The following ITPR3 variants were observed in gnomAD, a reference collection of about 807,000 sequenced individuals.
The protein encoded by ITPR3 is inositol 1,4,5-trisphosphate-gated calcium channel ITPR3.
ITPR3 carries 173 observed loss-of-function variants against 293.2 expected under a neutral mutation model. The observed-to-expected ratio is 0.59, with a 90% confidence interval of 0.52 to 0.67. The LOEUF is 0.67. Ranked by LOEUF, ITPR3 falls within the 30% of genes least tolerant of loss-of-function variation. The pLI, the probability that ITPR3 is intolerant of heterozygous loss-of-function variation, is 0.00. For synonymous variants in ITPR3, 1,295 were observed against 1,444.4 expected (o/e 0.90, Z 2.35); for missense variants, 2,796 against 3,592.1 (o/e 0.78, Z 5.66).
intron 33 of ITPR3, among the ~76,000 whole-genome samples, chr6:33,681,486 C>T (rs1022855127): frequency 3.3e-5 from 5 of 152,176 alleles, no homozygotes; most frequent in Non-Finnish European, 5.9e-5. Flanking sequence ...ATTTGAATCT[C>T]GAAAGATTCA....
At chr6:33,662,451 G>T in intron 7 of ITPR3, 77 bp from the exon 8 acceptor site, 10 of 1,492,160 alleles carry the variant, frequency 6.7e-6, no homozygotes, top group Non-Finnish European at 8.9e-6. Context: ...GTCTGAGGCA[G>T]GTGGGGCTGG....
At chr6:33,671,397 C>T in intron 21 of ITPR3, 91 bp downstream of exon 21, 1 of 859,660 alleles carries the variant, frequency 1.2e-6, no homozygotes. Flanking sequence ...TTCCCCAGCC[C>T]CGCATTCCCC....
chr6:33,694,815 A>C (rs991988798), intron 56 of ITPR3, 109 bp from the exon 57 acceptor site: 2 of 1,342,750 alleles, frequency 1.5e-6, no homozygotes, highest in African/African-American at 2.9e-5. Context: ...CCTGACGAGT[A>C]GTTTTGTTAA....
intron 2 of ITPR3, among the ~76,000 whole-genome samples, chr6:33,652,753 C>T (rs189881383): frequency 2.9e-4 from 44 of 152,208 alleles, no homozygotes; most frequent in African/African-American, 7.9e-4. Context: ...CATGAGCCAC[C>T]GTGCCTGGCC....
At chr6:33,668,370 T>G in intron 16 of ITPR3, 145 bp from the exon 17 acceptor site, 1 of 1,104,602 alleles carries the variant, frequency 9.1e-7, no homozygotes, top group Non-Finnish European at 1.3e-6. Context: ...GAGCTGGGAG[T>G]CCATCCCACC....
At chr6:33,640,653 T>A (rs1763927936) in intron 2 of ITPR3, 99 bp downstream of exon 2, 4 of 1,022,538 alleles carry the variant, frequency 3.9e-6, no homozygotes, top group Non-Finnish European at 5.8e-6. Context: ...AGTGGCTGGA[T>A]TAGATGTGGC....
At chr6:33,630,953 TTC>T (rs1271927946) in intron 1 of ITPR3, among the ~76,000 whole-genome samples, 2 of 152,248 alleles carry the variant, frequency 1.3e-5, no homozygotes, top group Non-Finnish European at 2.9e-5. Context: ...TTAATTTCTT[TTC>T]TCTGATGAGC....
chr6:33,660,859 G>T (rs1162855960), intron 7 of ITPR3, among the ~76,000 whole-genome samples: 1 of 152,150 alleles, frequency 6.6e-6, no homozygotes, highest in Non-Finnish European at 1.5e-5. Flanking sequence ...AGCCTGGGAG[G>T]TGGAGGTTGC....
rs1211063921 is a variant in ITPR3 at position 33,682,482 on chromosome 6, G to A, written c.4477-42G>A. On this transcript the variant is annotated intron_variant, in intron 33 of 57. Coordinates refer to ENST00000605930, the MANE Select transcript of ITPR3 (RefSeq NM_002224.4). This position sits in a 1 kb window ranked among gnomAD's most constrained non-coding sequence, Gnocchi z 5.4. ...TCCTGGACCTGGGGTTGCCCAGGGT[G>A]GGGGCCTGGGCTGCAGCAGCGGGCT... is the stretch of plus-strand genomic sequence containing the variant. 1 of 1,479,204 alleles carries A rather than the reference G, an allele frequency of 6.8e-7. No homozygotes were observed. The highest frequency in any genetic ancestry group is 9.0e-7 in the Non-Finnish European group (1 of 1,114,994). The allele number at this position is 1,479,204 out of a possible 1,614,324, so 91.6% of individuals were successfully genotyped here. A position where few individuals can be genotyped will look rare whatever the true frequency, so the allele number is the denominator to read the frequency against.
intron 16 of ITPR3, among the ~76,000 whole-genome samples, chr6:33,668,308 A>T (rs566725897): frequency 6.6e-6 from 1 of 152,116 alleles, no homozygotes; most frequent in African/African-American, 2.4e-5. Context: ...CTGAACCCCC[A>T]TCTAGCCTTC....
chr6:33,689,023 A>G (rs1765317484), intron 49 of ITPR3, among the ~76,000 whole-genome samples: 1 of 152,202 alleles, frequency 6.6e-6, no homozygotes, highest in Admixed American at 6.5e-5. Flanking sequence ...ACACGCATAG[A>G]TGTGTCAGCC....
chr6:33,690,114 G>A lies in ITPR3; in HGVS notation c.6948G>A (p.Met2316Ile), dbSNP rs776152021. ...TCCGGGGCTATAAGGCCATGGTCAT[G>A]GACATGGAATTCCTCTACCACGTGG... ...TFIRGYKAMV[M>I]DMEFLYHVGY... is the part of the protein sequence containing the mutation. Residue 2316 changes from methionine to isoleucine, a missense_variant, in exon 51 of 58, where the codon ATG becomes ATA. Physicochemically the swap from Met to Ile is conservative, Grantham distance 10. Transcript: ENST00000605930. The A allele has an allele frequency of 1.9e-6, 3 of 1,614,194 alleles. No homozygotes were observed. The highest frequency in any genetic ancestry group is 2.5e-6 in the Non-Finnish European group (3 of 1,180,030).
In ITPR3 at chr6:33,692,643, C is replaced by A; in HGVS notation, c.7459-85C>A. On this transcript the variant is annotated intron_variant, in intron 54 of 57. Transcript: ENST00000605930. This position sits in a 1 kb window ranked among gnomAD's most constrained non-coding sequence, Gnocchi z 4.2. ...GCTAGGGGCTGGGTCCTCAATATCACAGCCCTGGCCCCAACCTGAGTCCTA... is the reference window on the plus strand; with the variant it reads ...GCTAGGGGCTGGGTCCTCAATATCAAAGCCCTGGCCCCAACCTGAGTCCTA... The A allele has an allele frequency of 7.2e-7, 1 of 1,383,186 alleles. No individual in the cohort carries two copies. The highest frequency in any genetic ancestry group is 1.0e-6 in the Non-Finnish European group (1 of 1,001,542). 85.7% of individuals were successfully genotyped at this position (1,383,186 alleles called of 1,614,324 possible). A position where few individuals can be genotyped will look rare whatever the true frequency, so the allele number is the denominator to read the frequency against.
chr6:33,677,706 T>C, intron 28 of ITPR3, 77 bp downstream of exon 28: 1 of 1,536,708 alleles, frequency 6.5e-7, no homozygotes, highest in Non-Finnish European at 8.8e-7. Flanking sequence ...TGCTAGGCCC[T>C]AATGCAGGCA....
rs11758330 is a variant in ITPR3 at position 33,632,216 on chromosome 6, T to A, written c.90-8268T>A. On this transcript the variant is annotated intron_variant, in intron 1 of 57. Transcript: ENST00000605930. This position sits in a 1 kb window ranked among gnomAD's most constrained non-coding sequence, Gnocchi z 4.1. Reference sequence around the variant, plus strand: ...CCTCCATGCCCCAGGGACAGTTTTCTCATCCACAGCTGAATGGGGGTGGGG... The same window carrying A: ...CCTCCATGCCCCAGGGACAGTTTTCACATCCACAGCTGAATGGGGGTGGGG... Among the ~76,000 whole-genome samples, 18,849 of 137,938 alleles carry A rather than the reference T, an allele frequency of 0.14. 1,707 individuals carry two copies. The highest frequency in any genetic ancestry group is 0.23 in the Middle Eastern group (64 of 278). The allele number at this position is 137,938 out of a possible 152,430, so 90.5% of individuals were successfully genotyped here. A position where few individuals can be genotyped will look rare whatever the true frequency, so the allele number is the denominator to read the frequency against.
chr6:33,668,905 G>C, intron 17 of ITPR3, 69 bp from the exon 18 acceptor site: 1 of 1,507,146 alleles, frequency 6.6e-7, no homozygotes, highest in African/African-American at 1.4e-5. Context: ...GGCCGGGTGT[G>C]CTCAGGGAGG....
rs1236602038 is a variant in ITPR3, at chr6:33,632,480, G to A, written c.90-8004G>A. Among the ~76,000 whole-genome samples, 2 of 152,154 alleles carry A rather than the reference G, an allele frequency of 1.3e-5. No individual in the cohort carries two copies. Among genetic ancestry groups the A allele is most frequent in the Non-Finnish European group, 2.9e-5 (2 of 68,046 alleles). The stretch of plus-strand genomic sequence containing the variant: ...CGCCCACCTGGATCTCAAAGTCCAC[G>A]CAGGGTGGAATGGGGCAGAATGGGA... On this transcript the variant is annotated intron_variant, in intron 1 of 57. Coordinates refer to ENST00000605930, the MANE Select transcript of ITPR3 (RefSeq NM_002224.4). This position sits in a 1 kb window ranked among gnomAD's most constrained non-coding sequence, Gnocchi z 4.1.
At chr6:33,637,813 CT>C (rs56694936) in intron 1 of ITPR3, among the ~76,000 whole-genome samples, 8,201 of 140,012 alleles carry the variant, frequency 0.059, 213 homozygotes, top group East Asian at 0.09. Flanking sequence ...TTCTTTCTTT[CT>C]TTTTTTTTTT....
At chr6:33,674,816 G>A (rs942639) in intron 24 of ITPR3, among the ~76,000 whole-genome samples, 115,971 of 152,240 alleles carry the variant, frequency 0.76, 45,205 homozygotes, top group South Asian at 0.92. Context: ...TGACAGTTAT[G>A]TATGTGCCTC....
Sources: allele counts gnomAD v4.1 joint callset (sites outside exome capture counted in the v4.1 genomes callset), GRCh38; gene constraint gnomAD v4.1.1; non-coding constraint Gnocchi (gnomAD v3.1); transcripts MANE v1.5; gene names NCBI Gene and HGNC (gene_info 2026-07-23, HGNC 2026-07-21).